The following DCDC1 variants were observed in gnomAD, a reference collection of about 807,000 sequenced individuals.
DCDC1 encodes doublecortin domain-containing protein 1.
In DCDC1, 200 loss-of-function variants were observed where a neutral mutation model predicts 178.3. The ratio of observed to expected loss-of-function variants is 1.12; its 90% CI spans 1.00 to 1.26. DCDC1 has a LOEUF of 1.26. Among genes scored for constraint, DCDC1 ranks in the 50% most tolerant of loss-of-function variants. The pLI, the probability that DCDC1 is intolerant of heterozygous loss-of-function variation, is 0.00. For missense variants in DCDC1, 1,983 were observed against 1,749.2 expected (o/e 1.13, Z -2.38); for synonymous variants, 690 against 604.8 (o/e 1.14, Z -2.07).
At chr11:30,975,851 GA>G (rs1233801236) in intron 20 of DCDC1, among the ~76,000 whole-genome samples, 2 of 151,294 alleles carry the variant, frequency 1.3e-5, no homozygotes, top group South Asian at 2.1e-4. Context: ...TACAGAAATA[GA>G]AAAAAAATTC....
intron 20 of DCDC1, among the ~76,000 whole-genome samples, chr11:31,019,419 G>T (rs1565189378): frequency 1.3e-5 from 2 of 151,966 alleles, no homozygotes; most frequent in Admixed American, 6.6e-5. Context: ...TATGTTTGTA[G>T]AGTGAGATAA....
chr11:31,258,216 A>C (rs1262873900), intron 8 of DCDC1, among the ~76,000 whole-genome samples: 3 of 152,222 alleles, frequency 2.0e-5, no homozygotes, highest in Non-Finnish European at 4.4e-5. Flanking sequence ...CTCCAGATCC[A>C]AGTTAGATGT....
intron 11 of DCDC1, among the ~76,000 whole-genome samples, chr11:31,118,672 C>T (rs1224688204): frequency 6.6e-6 from 1 of 152,142 alleles, no homozygotes; most frequent in Non-Finnish European, 1.5e-5. Flanking sequence ...AGAGTGTGTG[C>T]CTGCAACAGT....
At chr11:31,147,501 G>C (rs960713527) in intron 9 of DCDC1, among the ~76,000 whole-genome samples, 2 of 152,134 alleles carry the variant, frequency 1.3e-5, no homozygotes, top group African/African-American at 4.8e-5. Context: ...TACTTGCAAA[G>C]GCCTGAAAGA....
At chr11:31,184,399 C>G in intron 9 of DCDC1, among the ~76,000 whole-genome samples, 1 of 152,146 alleles carries the variant, frequency 6.6e-6, no homozygotes, top group Non-Finnish European at 1.5e-5. Flanking sequence ...ATGACTAAAA[C>G]ACCAAAAGCA....
intron 20 of DCDC1, among the ~76,000 whole-genome samples, chr11:30,965,721 A>AGGT (rs1427570919): frequency 7.0e-6 from 1 of 142,948 alleles, no homozygotes; most frequent in African/African-American, 2.7e-5. Flanking sequence ...ATCTAGCATT[A>AGGT]GGTATATCTC....
intron 7 of DCDC1, among the ~76,000 whole-genome samples, chr11:31,272,685 G>A (rs1012413984): frequency 9.2e-5 from 14 of 152,228 alleles, no homozygotes; most frequent in Non-Finnish European, 1.9e-4. Flanking sequence ...TTGACTCCAT[G>A]TCTCACATAC....
intron 13 of DCDC1, among the ~76,000 whole-genome samples, chr11:31,104,933 A>G (rs1958753167): frequency 6.6e-6 from 1 of 152,102 alleles, no homozygotes. Context: ...TGAAGGAAAA[A>G]TAAAATATTC....
chr11:31,059,907 A>G (rs1200149999), intron 20 of DCDC1, among the ~76,000 whole-genome samples: 1 of 152,090 alleles, frequency 6.6e-6, no homozygotes, highest in Non-Finnish European at 1.5e-5. Context: ...ATTTATAATT[A>G]TATAGACATG....
intron 20 of DCDC1, among the ~76,000 whole-genome samples, chr11:31,060,365 T>G (rs1955843421): frequency 2.0e-5 from 3 of 152,080 alleles, no homozygotes; most frequent in Admixed American, 6.6e-5. Context: ...TATGCATTAT[T>G]CAAAATGTTC....
chr11:31,085,605 T>C (rs572144171), intron 17 of DCDC1, among the ~76,000 whole-genome samples: 1 of 152,324 alleles, frequency 6.6e-6, no homozygotes, highest in South Asian at 2.1e-4. Flanking sequence ...TATTCTATTG[T>C]ATAGATTATC....
At chr11:31,356,885 A>G (rs1951405019) in intron 1 of DCDC1, among the ~76,000 whole-genome samples, 1 of 152,200 alleles carries the variant, frequency 6.6e-6, no homozygotes, top group African/African-American at 2.4e-5. Flanking sequence ...AGACTAAACC[A>G]GGAAGAAGTT....
At chr11:31,176,204 CA>C (rs1967993636) in intron 9 of DCDC1, among the ~76,000 whole-genome samples, 1 of 151,814 alleles carries the variant, frequency 6.6e-6, no homozygotes, top group Non-Finnish European at 1.5e-5. Flanking sequence ...ATAGATATCA[CA>C]AAAAAGAACC....
At chr11:31,040,754 G>GA (rs35572539) in intron 20 of DCDC1, among the ~76,000 whole-genome samples, 3 of 151,640 alleles carry the variant, frequency 2.0e-5, no homozygotes, top group East Asian at 3.9e-4. Context: ...ACTTCAGAAG[G>GA]AAAAAAAATA....
At chr11:30,924,056 C>T (rs370121915) in intron 23 of DCDC1, among the ~76,000 whole-genome samples, 1 of 152,200 alleles carries the variant, frequency 6.6e-6, no homozygotes, top group African/African-American at 2.4e-5. Flanking sequence ...TACAATCACT[C>T]CTGGCTCCAT....
At chr11:31,239,802 A>G (rs1050998977) in intron 9 of DCDC1, among the ~76,000 whole-genome samples, 2 of 151,828 alleles carry the variant, frequency 1.3e-5, no homozygotes, top group Non-Finnish European at 2.9e-5. Context: ...TTTTTCATCA[A>G]TTTTGAGTCA....
rs1293439026 is a variant in DCDC1 at position 31,245,008 on chromosome 11, T to G, written c.1055-3392A>C. Among the ~76,000 whole-genome samples, 4 of 151,642 alleles carry G rather than the reference T, an allele frequency of 2.6e-5. No individual in the cohort carries two copies. The East Asian group carries it at 5.8e-4, about 22-fold the overall frequency. Reference sequence around the variant, plus strand: ...CTAGTAGCTATATTCATTTCATAATTATCAACCAATACCTTTCTCACTCAC... The same window carrying G: ...CTAGTAGCTATATTCATTTCATAATGATCAACCAATACCTTTCTCACTCAC... On this transcript the variant is annotated intron_variant, in intron 8 of 38. Transcript: ENST00000684477.
At chr11:31,051,040 G>A (rs538032674) in intron 20 of DCDC1, among the ~76,000 whole-genome samples, 1 of 152,232 alleles carries the variant, frequency 6.6e-6, no homozygotes, top group African/African-American at 2.4e-5. Flanking sequence ...ATCAGGGAGG[G>A]ACCAGAGAAA....
At chr11:30,914,752 T>G (rs1945711349) in intron 27 of DCDC1, among the ~76,000 whole-genome samples, 2 of 152,146 alleles carry the variant, frequency 1.3e-5, no homozygotes, top group African/African-American at 4.8e-5. Flanking sequence ...TTTTAAAATT[T>G]TTATTTATGA....
Sources: gnomAD v4.1 joint callset for allele counts (sites outside exome capture counted in the v4.1 genomes callset) on GRCh38, gnomAD v4.1.1 for gene constraint, MANE v1.5 for transcripts, NCBI Gene and HGNC (gene_info 2026-07-23, HGNC 2026-07-21) for gene names.